The following FBXL7 variants were observed in gnomAD, a reference collection of about 807,000 sequenced individuals.
FBXL7 encodes the protein F-box and leucine rich repeat protein 7, also known as F-box/LRR-repeat protein 7.
Under a neutral mutation model 38.3 loss-of-function variants are expected in FBXL7, and 12 were observed. The ratio of observed to expected loss-of-function variants is 0.31; its 90% CI spans 0.20 to 0.51. The LOEUF is 0.51. FBXL7 is among the 20% of genes least tolerant of loss of function. The probability of loss-of-function intolerance (pLI) is 0.98; values close to 1 mark genes in which losing one functional copy is unlikely to be tolerated. For missense variants in FBXL7, 567 were observed against 676.4 expected, an observed-to-expected ratio of 0.84 and a Z score of 1.79; for synonymous variants, 297 against 300.9, an observed-to-expected ratio of 0.99 and a Z score of 0.13.
At chr5:15,706,032 G>A (rs1040827890) in intron 2 of FBXL7, among the ~76,000 whole-genome samples, 1 of 152,076 alleles carries the variant, frequency 6.6e-6, no homozygotes, top group Non-Finnish European at 1.5e-5. Flanking sequence ...GAGGCCCAAA[G>A]GCAATAAGGA....
At chr5:15,536,805 A>C (rs1737599257) in intron 1 of FBXL7, among the ~76,000 whole-genome samples, 1 of 151,992 alleles carries the variant, frequency 6.6e-6, no homozygotes, top group African/African-American at 2.4e-5. Flanking sequence ...TGTGTTTTGA[A>C]ATATGAGAGG....
At chr5:15,549,201 G>A (rs1292288484) in intron 1 of FBXL7, among the ~76,000 whole-genome samples, 1 of 152,180 alleles carries the variant, frequency 6.6e-6, no homozygotes, top group African/African-American at 2.4e-5. Context: ...AATACATGAG[G>A]CATAGCATAT....
intron 2 of FBXL7, among the ~76,000 whole-genome samples, chr5:15,639,397 C>T (rs919610554): frequency 1.3e-5 from 2 of 152,040 alleles, no homozygotes; most frequent in East Asian, 1.9e-4. Flanking sequence ...CCATGCTGTT[C>T]TTATGATAGT....
chr5:15,904,179 TGTC>T (rs1473251420), intron 2 of FBXL7, among the ~76,000 whole-genome samples: 10 of 152,218 alleles, frequency 6.6e-5, no homozygotes, highest in African/African-American at 2.2e-4. Flanking sequence ...AATTTAAAGA[TGTC>T]GTCTTGTGTT....
intron 2 of FBXL7, among the ~76,000 whole-genome samples, chr5:15,666,009 T>C (rs2126590693): frequency 1.3e-5 from 2 of 152,150 alleles, no homozygotes; most frequent in East Asian, 3.9e-4. Context: ...ATCTAGAGGA[T>C]CCTAATCTGT....
At chr5:15,702,138 T>C (rs1743543167) in intron 2 of FBXL7, among the ~76,000 whole-genome samples, 1 of 150,768 alleles carries the variant, frequency 6.6e-6, no homozygotes, top group Non-Finnish European at 1.5e-5. Flanking sequence ...CTTGGGAGAC[T>C]GGGGCAGGAA....
At chr5:15,756,314 GT>G (rs1736295549) in intron 2 of FBXL7, among the ~76,000 whole-genome samples, 1 of 152,034 alleles carries the variant, frequency 6.6e-6, no homozygotes, top group East Asian at 1.9e-4. Flanking sequence ...TAAGAAAAAT[GT>G]TTTTACTCTC....
chr5:15,590,402 T>C (rs770554158), intron 1 of FBXL7, among the ~76,000 whole-genome samples: 1 of 152,062 alleles, frequency 6.6e-6, no homozygotes, highest in African/African-American at 2.4e-5. Context: ...CAATCTGATA[T>C]GCCAGTCTGC....
At chr5:15,801,655 G>GTC (rs1554022506) in intron 2 of FBXL7, among the ~76,000 whole-genome samples, 1 of 146,746 alleles carries the variant, frequency 6.8e-6, no homozygotes, top group Non-Finnish European at 1.5e-5. Context: ...GTGTGTGTGT[G>GTC]TGCGCGCGCG....
intron 1 of FBXL7, among the ~76,000 whole-genome samples, chr5:15,518,664 A>G (rs1041874273): frequency 1.3e-5 from 2 of 152,068 alleles, no homozygotes; most frequent in South Asian, 4.2e-4. Context: ...GGCTTGGGCA[A>G]TTGGGTGCCA....
At chr5:15,897,482 G>T (rs1169287775) in intron 2 of FBXL7, among the ~76,000 whole-genome samples, 2 of 152,186 alleles carry the variant, frequency 1.3e-5, no homozygotes, top group East Asian at 3.9e-4. Flanking sequence ...CATAGAACAT[G>T]CTGTAATAGT....
rs1742541338 is a variant in FBXL7, at chr5:15,673,204, T to TA, written c.127+57133dup. On this transcript the variant is annotated intron_variant, in intron 2 of 3. Coordinates refer to ENST00000504595, the MANE Select transcript of FBXL7 (RefSeq NM_012304.5). ...GGTGGCGGGCACCTGTAATCCCAGC[T>TA]ACTCGCGAGGCTGAGGCAAGAGAAT... is the stretch of plus-strand genomic sequence containing the variant. 2.0e-5 allele frequency among the ~76,000 whole-genome samples: 3 copies of TA among 151,940 alleles called. No individual in the cohort carries two copies. The South Asian group carries it at 6.2e-4, about 32-fold the overall frequency.
At chr5:15,519,693 CTTATG>C (rs961284054) in intron 1 of FBXL7, among the ~76,000 whole-genome samples, 7 of 152,240 alleles carry the variant, frequency 4.6e-5, no homozygotes, top group African/African-American at 1.4e-4. Flanking sequence ...TTGAGCTACC[CTTATG>C]TTATGGCAAA....
intron 2 of FBXL7, among the ~76,000 whole-genome samples, chr5:15,727,426 G>A (rs1735437715): frequency 6.6e-6 from 1 of 152,066 alleles, no homozygotes; most frequent in African/African-American, 2.4e-5. Flanking sequence ...GCTTTTTGGG[G>A]GAATGTCTTC....
intron 2 of FBXL7, among the ~76,000 whole-genome samples, chr5:15,795,286 C>G (rs943460613): frequency 6.6e-6 from 1 of 152,224 alleles, no homozygotes; most frequent in Admixed American, 6.5e-5. Context: ...GGTATTTACA[C>G]TCACAGAACT....
At chr5:15,556,222 C>T (rs1347884353) in intron 1 of FBXL7, among the ~76,000 whole-genome samples, 5 of 151,942 alleles carry the variant, frequency 3.3e-5, no homozygotes, top group Non-Finnish European at 5.9e-5. Flanking sequence ...GTTGGAGGCC[C>T]CGGAAAGCTG....
intron 2 of FBXL7, among the ~76,000 whole-genome samples, chr5:15,623,048 A>C (rs1305431601): frequency 6.6e-6 from 1 of 152,150 alleles, no homozygotes; most frequent in Non-Finnish European, 1.5e-5. Flanking sequence ...GTCAAGCAGG[A>C]GGTTGGTGCA....
At chr5:15,843,314 G>GCA (rs1400491535) in intron 2 of FBXL7, among the ~76,000 whole-genome samples, 2 of 152,016 alleles carry the variant, frequency 1.3e-5, no homozygotes, top group East Asian at 3.9e-4. Context: ...TTTCACCACA[G>GCA]CACACACACA....
At chr5:15,689,740 A>G (rs893086678) in intron 2 of FBXL7, among the ~76,000 whole-genome samples, 2 of 152,230 alleles carry the variant, frequency 1.3e-5, no homozygotes, top group East Asian at 1.9e-4. Context: ...AGTTGCTCAC[A>G]ACAGTCTTTT....
Sources: gnomAD v4.1 joint callset for allele counts (sites outside exome capture counted in the v4.1 genomes callset) on GRCh38, gnomAD v4.1.1 for gene constraint, MANE v1.5 for transcripts, NCBI Gene and HGNC (gene_info 2026-07-23, HGNC 2026-07-21) for gene names.